Variants in UGT8 observed in about 807,000 individuals in gnomAD.
UGT8 encodes UDP glycosyltransferase 8, also known as 2-hydroxyacylsphingosine 1-beta-galactosyltransferase.
In UGT8, 12 loss-of-function variants were observed where a neutral mutation model predicts 40.5. The observed-to-expected ratio is 0.30, with a 90% confidence interval of 0.19 to 0.48. UGT8 has a LOEUF of 0.48. Ranked by LOEUF, UGT8 falls within the 20% of genes least tolerant of loss-of-function variation. UGT8 has a pLI of 0.99. For synonymous variants in UGT8, 224 were observed against 240.4 expected (o/e 0.93, Z 0.63); for missense variants, 513 against 648.7 (o/e 0.79, Z 2.27).
chr4:114,665,430 C>T (rs1013004295), intron 3 of UGT8: 20 of 985,116 alleles, frequency 2.0e-5, no homozygotes, highest in African/African-American at 5.2e-5. Context: ...TGTGTATAGG[C>T]GTGAGGAACC....
chr4:114,663,401 C>T (rs762235629), intron 2 of UGT8, among the ~76,000 whole-genome samples: 56 of 151,992 alleles, frequency 3.7e-4, no homozygotes, highest in African/African-American at 1.3e-3. Context: ...TGTTCCTCAA[C>T]GTGCCGTGGC....
chr4:114,598,710 C>CGG, upstream of UGT8: 1 of 10,820 alleles, frequency 9.2e-5, no homozygotes, highest in Non-Finnish European at 7.4e-4. Context: ...GGCTGGGGGG[C>CGG]GGGGGGCCTG....
At chr4:114,618,710 T>C (rs187196792) in intron 1 of UGT8, among the ~76,000 whole-genome samples, 141 of 152,328 alleles carry the variant, frequency 9.3e-4, no homozygotes, top group African/African-American at 3.2e-3. Flanking sequence ...TTTTTTTCTC[T>C]TTCCAGATAA....
At chr4:114,604,939 C>T (rs1730650951) in intron 1 of UGT8, among the ~76,000 whole-genome samples, 1 of 151,766 alleles carries the variant, frequency 6.6e-6, no homozygotes, top group South Asian at 2.1e-4. Context: ...GTGCTTAGTC[C>T]TTCACGATTT....
At chr4:114,623,769 G>A (rs564558122) in intron 2 of UGT8, 67 bp downstream of exon 2, 2 of 1,492,672 alleles carry the variant, frequency 1.3e-6, no homozygotes, top group Non-Finnish European at 1.8e-6. Context: ...TTTTGGAAGA[G>A]ATATGATTTG....
intron 1 of UGT8, among the ~76,000 whole-genome samples, chr4:114,613,300 A>G (rs572570941): frequency 7.9e-5 from 12 of 152,302 alleles, no homozygotes; most frequent in African/African-American, 2.6e-4. Context: ...TACATTAACA[A>G]TTATTTTAAT....
intron 2 of UGT8, among the ~76,000 whole-genome samples, chr4:114,662,267 G>GA (rs1278212313): frequency 6.6e-6 from 1 of 152,202 alleles, no homozygotes; most frequent in Admixed American, 6.5e-5. Context: ...TACACTTGGA[G>GA]AAAATCATCT....
chr4:114,652,113 G>T (rs755925507), intron 2 of UGT8, among the ~76,000 whole-genome samples: 2 of 152,084 alleles, frequency 1.3e-5, no homozygotes, highest in African/African-American at 2.4e-5. Context: ...GGCATAATTA[G>T]ACATGAATTG....
intron 1 of UGT8, among the ~76,000 whole-genome samples, chr4:114,605,630 G>A (rs2126084619): frequency 6.6e-6 from 1 of 152,190 alleles, no homozygotes; most frequent in South Asian, 2.1e-4. Flanking sequence ...TTGCTTTAAT[G>A]AGTAAAAACT....
intron 2 of UGT8, among the ~76,000 whole-genome samples, chr4:114,631,622 A>G (rs981153261): frequency 3.9e-5 from 6 of 152,210 alleles, no homozygotes; most frequent in African/African-American, 1.2e-4. Context: ...TAGGCCACTT[A>G]GTAGATCTGG....
At chr4:114,651,307 A>G (rs1402762420) in intron 2 of UGT8, among the ~76,000 whole-genome samples, 1 of 152,138 alleles carries the variant, frequency 6.6e-6, no homozygotes, top group Non-Finnish European at 1.5e-5. Context: ...AAAAGACTTG[A>G]CAAGTTACGA....
At chr4:114,653,185 C>G (rs2126123936) in intron 2 of UGT8, among the ~76,000 whole-genome samples, 1 of 152,102 alleles carries the variant, frequency 6.6e-6, no homozygotes, top group South Asian at 2.1e-4. Context: ...AATCACTTAC[C>G]CCATAAAAGT....
intron 2 of UGT8, among the ~76,000 whole-genome samples, chr4:114,632,831 C>T (rs567449646): frequency 7.9e-4 from 120 of 152,198 alleles, no homozygotes; most frequent in Admixed American, 1.7e-3. Context: ...TTAACGTAAT[C>T]CGAAGTTGCA....
intron 1 of UGT8, among the ~76,000 whole-genome samples, chr4:114,619,162 A>G (rs1731619562): frequency 6.6e-6 from 1 of 152,052 alleles, no homozygotes; most frequent in Non-Finnish European, 1.5e-5. Flanking sequence ...ATCCAGTGGG[A>G]TTTGGAAGAA....
At position 114,663,991 on chromosome 4, in the gene UGT8, A is replaced by G. The variant is rs1292014942; in HGVS notation, c.823-4A>G. 1 of 1,613,612 alleles carries G rather than the reference A, an allele frequency of 6.2e-7. No individual in the cohort carries two copies. Among genetic ancestry groups the G allele is most frequent in the Non-Finnish European group, 8.5e-7 (1 of 1,179,762 alleles). On this transcript the variant is annotated splice_polypyrimidine_tract_variant and splice_region_variant and intron_variant, in intron 2 of 5. Transcript: ENST00000310836. Reference sequence around the variant, plus strand: ...AAAACTTACTGCCATGTTTTGATTTACAGGATCTCCAAAGATGGGTAAATG... The same window carrying G: ...AAAACTTACTGCCATGTTTTGATTTGCAGGATCTCCAAAGATGGGTAAATG...
intron 1 of UGT8, among the ~76,000 whole-genome samples, chr4:114,609,177 T>C (rs1318973887): frequency 6.6e-6 from 1 of 152,078 alleles, no homozygotes; most frequent in Non-Finnish European, 1.5e-5. Context: ...GCTCAGGCTG[T>C]AGTGTGCTGT....
chr4:114,648,183 A>C (rs1170917199), intron 2 of UGT8, among the ~76,000 whole-genome samples: 1 of 152,088 alleles, frequency 6.6e-6, no homozygotes, highest in African/African-American at 2.4e-5. Context: ...AACATATTTC[A>C]GCTTACTCAG....
chr4:114,629,540 G>A (rs951906653), intron 2 of UGT8, among the ~76,000 whole-genome samples: 2 of 152,146 alleles, frequency 1.3e-5, no homozygotes, highest in African/African-American at 2.4e-5. Context: ...TGCTTTATAG[G>A]TTAATCATGT....
At chr4:114,666,566 A>T (rs974797338) in intron 4 of UGT8, among the ~76,000 whole-genome samples, 3 of 152,214 alleles carry the variant, frequency 2.0e-5, no homozygotes, top group South Asian at 2.1e-4. Context: ...TAAATCTTTT[A>T]TGGCTTTACT....
Sources: gnomAD v4.1 joint callset for allele counts (sites outside exome capture counted in the v4.1 genomes callset) on GRCh38, gnomAD v4.1.1 for gene constraint, MANE v1.5 for transcripts, NCBI Gene and HGNC (gene_info 2026-07-23, HGNC 2026-07-21) for gene names.